The following FSTL5 variants were observed in gnomAD, a reference collection of about 807,000 sequenced individuals.
FSTL5 encodes the protein follistatin like 5.
Under a neutral mutation model 89.1 loss-of-function variants are expected in FSTL5, and 62 were observed. That is an observed-to-expected ratio of 0.70 (90% CI 0.57 to 0.86). The LOEUF is 0.86. FSTL5 is among the 40% of genes least tolerant of loss of function. FSTL5 has a pLI of 0.00. For missense variants in FSTL5, 1,057 were observed against 1,001.6 expected (o/e 1.06, Z -0.75); for synonymous variants, 383 against 346.2 (o/e 1.11, Z -1.18).
intron 6 of FSTL5, among the ~76,000 whole-genome samples, chr4:161,720,735 C>A (rs1042683968): frequency 4.6e-5 from 7 of 152,078 alleles, no homozygotes; most frequent in African/African-American, 1.7e-4. Context: ...ATCCCAGAGG[C>A]CATTATGCTA....
chr4:161,438,030 A>C (rs905806136), intron 15 of FSTL5, among the ~76,000 whole-genome samples: 2 of 150,716 alleles, frequency 1.3e-5, no homozygotes, highest in Non-Finnish European at 2.9e-5. Context: ...GTGTAGGCAA[A>C]GATGGGCAAG....
At chr4:161,512,563 A>G (rs982355566) in intron 10 of FSTL5, among the ~76,000 whole-genome samples, 2 of 152,232 alleles carry the variant, frequency 1.3e-5, no homozygotes, top group Middle Eastern at 3.4e-3. Context: ...CAATTTCCAG[A>G]TAGAAAAAAA....
intron 15 of FSTL5, among the ~76,000 whole-genome samples, chr4:161,444,267 TG>T (rs985058510): frequency 1.1e-4 from 17 of 152,070 alleles, no homozygotes; most frequent in African/African-American, 4.1e-4. Context: ...ACAGACTTTA[TG>T]AAGTTGGACA....
intron 2 of FSTL5, among the ~76,000 whole-genome samples, chr4:162,084,453 G>A (rs986668333): frequency 2.0e-5 from 3 of 151,816 alleles, no homozygotes; most frequent in Admixed American, 6.6e-5. Flanking sequence ...ACAACAAAAT[G>A]TATTACAAAC....
intron 3 of FSTL5, among the ~76,000 whole-genome samples, chr4:162,014,117 C>A (rs1736848208): frequency 6.6e-6 from 1 of 152,154 alleles, no homozygotes; most frequent in African/African-American, 2.4e-5. Context: ...TCTGTGGAGG[C>A]AAGTGGGAGG....
intron 3 of FSTL5, among the ~76,000 whole-genome samples, chr4:161,921,421 T>A (rs1388089633): frequency 1.3e-5 from 2 of 152,168 alleles, no homozygotes; most frequent in Non-Finnish European, 2.9e-5. Context: ...GCAACTTCAA[T>A]TCCTTATGCT....
intron 7 of FSTL5, among the ~76,000 whole-genome samples, chr4:161,621,827 C>CAAAAAAAAA (rs58143952): frequency 1.2e-3 from 111 of 89,758 alleles, no homozygotes; most frequent in Non-Finnish European, 1.7e-3. Context: ...TCTAAAAATA[C>CAAAAAAAAA]AAAAAAAAAA....
intron 13 of FSTL5, among the ~76,000 whole-genome samples, chr4:161,480,359 T>C (rs1011779685): frequency 2.0e-5 from 3 of 152,090 alleles, no homozygotes; most frequent in African/African-American, 4.8e-5. Flanking sequence ...ATTAAGGGAG[T>C]AGACTCTAAT....
chr4:161,712,464 G>A (rs13435714), intron 6 of FSTL5, among the ~76,000 whole-genome samples: 1,841 of 152,238 alleles, frequency 0.012, 34 homozygotes, highest in South Asian at 0.043. Flanking sequence ...TTCACAAAAT[G>A]AGGAAGGTCT....
intron 4 of FSTL5, among the ~76,000 whole-genome samples, chr4:161,881,016 C>T (rs1348681094): frequency 7.9e-5 from 12 of 151,522 alleles, no homozygotes; most frequent in East Asian, 1.9e-4. Flanking sequence ...TAGAAGGGTG[C>T]GATAAAGGTA....
At chr4:162,071,952 A>AT (rs932590007) in intron 2 of FSTL5, among the ~76,000 whole-genome samples, 1 of 151,766 alleles carries the variant, frequency 6.6e-6, no homozygotes, top group Non-Finnish European at 1.5e-5. Context: ...TTAATATTAG[A>AT]TTTTTAACAC....
chr4:161,917,972 T>C (rs1354180421), intron 4 of FSTL5, among the ~76,000 whole-genome samples: 4 of 152,200 alleles, frequency 2.6e-5, no homozygotes, highest in Non-Finnish European at 5.9e-5. Flanking sequence ...CATTTTTTTA[T>C]TTAACTTTTC....
At position 161,461,298 on chromosome 4, in the gene FSTL5, AAACAAAC is replaced by A. The variant is rs1217923406; in HGVS notation, c.1609-1986_1609-1980del. 5.9e-3 allele frequency among the ~76,000 whole-genome samples: 414 copies of A among 70,700 alleles called. 27 individuals carry two copies. Among genetic ancestry groups the A allele is most frequent in the African/African-American group, 0.023 (378 of 16,518 alleles). 46.4% of individuals were successfully genotyped at this position (70,700 alleles called of 152,430 possible). A position where few individuals can be genotyped will look rare whatever the true frequency, so the allele number is the denominator to read the frequency against. ...TCTCTACTAAAAATACAAAAAAAAC[AAACAAAC>A]AAAAAAATTAGCCAGGAGCTGTGGC... is the stretch of plus-strand genomic sequence containing the variant. On this transcript the variant is annotated intron_variant, in intron 13 of 15. Transcript: ENST00000306100.
At chr4:161,558,040 A>T (rs943750651) in intron 8 of FSTL5, among the ~76,000 whole-genome samples, 4 of 151,892 alleles carry the variant, frequency 2.6e-5, no homozygotes, top group African/African-American at 9.7e-5. Context: ...ATACCATAGA[A>T]CACTATACAG....
Position 161,637,656 on chromosome 4 carries a change from G to A in FSTL5, c.894+18672C>T, listed in dbSNP as rs1319821476. Among the ~76,000 whole-genome samples the A allele has an allele frequency of 2.5e-4, 29 of 114,504 alleles. 1 individual carries two copies. Among genetic ancestry groups the A allele is most frequent in the African/African-American group, 1.1e-3 (29 of 27,166 alleles). The allele number at this position is 114,504 out of a possible 152,430, so 75.1% of individuals were successfully genotyped here. On this transcript the variant is annotated intron_variant, in intron 7 of 15. Transcript: ENST00000306100. ...GATTTTTGTATAAGGTGTAAGGAAGGGATCCAGTTTCAGCTTTCTACATAT... is the reference window on the plus strand; with the variant it reads ...GATTTTTGTATAAGGTGTAAGGAAGAGATCCAGTTTCAGCTTTCTACATAT...
Position 162,008,888 on chromosome 4 carries a change from T to C in FSTL5, c.160+24737A>G, listed in dbSNP as rs574486948. ...CAGGCTTAGTTACTCAAGAAGCTATTAAAATGTAAGAATGTTTCTCTACTT... is the reference window on the plus strand; with the variant it reads ...CAGGCTTAGTTACTCAAGAAGCTATCAAAATGTAAGAATGTTTCTCTACTT... On this transcript the variant is annotated intron_variant, in intron 3 of 15. Coordinates refer to ENST00000306100, the MANE Select transcript of FSTL5 (RefSeq NM_020116.5). Among the ~76,000 whole-genome samples, 7 of 152,126 alleles carry C rather than the reference T, an allele frequency of 4.6e-5. No individual in the cohort carries two copies. In the South Asian group the frequency reaches 1.0e-3, roughly 22 times the overall value.
intron 5 of FSTL5, among the ~76,000 whole-genome samples, chr4:161,770,700 GA>G (rs1347512348): frequency 6.6e-6 from 1 of 151,692 alleles, no homozygotes; most frequent in African/African-American, 2.4e-5. Context: ...AAAACTGCAT[GA>G]ATTTAAGTAT....
At chr4:161,976,081 G>A (rs1735636197) in intron 3 of FSTL5, among the ~76,000 whole-genome samples, 1 of 134,628 alleles carries the variant, frequency 7.4e-6, no homozygotes. Context: ...TCGCGTCACT[G>A]CACTCCAGCC....
chr4:161,545,609 G>A (rs1392459864), intron 8 of FSTL5, among the ~76,000 whole-genome samples: 2 of 151,930 alleles, frequency 1.3e-5, no homozygotes, highest in African/African-American at 2.4e-5. Context: ...CTCAACTAAA[G>A]TAAATGGGCT....
Sources: allele counts gnomAD v4.1 joint callset (sites outside exome capture counted in the v4.1 genomes callset), GRCh38; gene constraint gnomAD v4.1.1; transcripts MANE v1.5; gene names NCBI Gene and HGNC (gene_info 2026-07-23, HGNC 2026-07-21).